Variants in XKR9 observed in about 807,000 individuals in gnomAD.
XKR9 encodes XK related 9, also known as XK-related protein 9.
A neutral mutation model predicts 32.0 loss-of-function variants in XKR9; 32 were observed. The observed-to-expected ratio is 1.00, with a 90% confidence interval of 0.76 to 1.34. XKR9 has a LOEUF of 1.34. Ranked by LOEUF, XKR9 falls within the 40% of genes most tolerant of loss-of-function variation. The pLI, the probability that XKR9 is intolerant of heterozygous loss-of-function variation, is 0.00. For missense variants in XKR9, 546 were observed against 429.7 expected (o/e 1.27, Z -2.39); for synonymous variants, 168 against 143.4 (o/e 1.17, Z -1.22).
At chr8:70,693,970 CA>C (rs201532015) in intron 3 of XKR9, among the ~76,000 whole-genome samples, 2,441 of 152,248 alleles carry the variant, frequency 0.016, 35 homozygotes, top group Non-Finnish European at 0.021. Flanking sequence ...GTAGCTCTGG[CA>C]GGGGGTGGTT....
the XKR9 span, among the ~76,000 whole-genome samples, chr8:70,988,263 C>A: frequency 2.7e-5 from 4 of 150,270 alleles, no homozygotes; most frequent in African/African-American, 2.5e-5. Flanking sequence ...TTGAGAAGAT[C>A]TCTGTTCTTT....
the XKR9 span, among the ~76,000 whole-genome samples, chr8:70,812,241 A>G: frequency 0.019 from 2,864 of 152,178 alleles, 81 homozygotes; most frequent in African/African-American, 0.066. Context: ...AAATTCAACA[A>G]CCCTTCATGG....
chr8:70,915,876 G>A, the XKR9 span, among the ~76,000 whole-genome samples: 1 of 152,164 alleles, frequency 6.6e-6, no homozygotes, highest in Admixed American at 6.6e-5. Context: ...TAAATAGCCA[G>A]GCTTTTCCGA....
At chr8:70,673,218 G>C (rs182343188) in intron 1 of XKR9, among the ~76,000 whole-genome samples, 286 of 152,220 alleles carry the variant, frequency 1.9e-3, no homozygotes, top group African/African-American at 6.7e-3. Context: ...TCCTTCTTGA[G>C]TTGGCTTTTG....
At chr8:70,903,185 C>A in the XKR9 span, among the ~76,000 whole-genome samples, 6 of 151,906 alleles carry the variant, frequency 3.9e-5, no homozygotes, top group East Asian at 3.9e-4. Flanking sequence ...CTCTCTTTTT[C>A]TACTGATTGG....
intron 2 of XKR9, among the ~76,000 whole-genome samples, chr8:70,751,406 GGT>G (rs1196776849): frequency 6.6e-6 from 1 of 152,138 alleles, no homozygotes; most frequent in African/African-American, 2.4e-5. Context: ...TGGGATTACA[GGT>G]GTGAGCCACC....
chr8:71,052,962 T>G, the XKR9 span, among the ~76,000 whole-genome samples: 2 of 152,224 alleles, frequency 1.3e-5, no homozygotes, highest in Non-Finnish European at 2.9e-5. Context: ...CCTCAGTTTT[T>G]CATCACAATT....
chr8:70,898,304 C>T, the XKR9 span, among the ~76,000 whole-genome samples: 7 of 152,120 alleles, frequency 4.6e-5, no homozygotes, highest in African/African-American at 1.7e-4. Flanking sequence ...CAGTACCATG[C>T]TGTTTTGGTT....
the XKR9 span, among the ~76,000 whole-genome samples, chr8:70,956,886 G>T: frequency 1.3e-5 from 2 of 152,160 alleles, no homozygotes; most frequent in Non-Finnish European, 2.9e-5. Context: ...GAGAGCTCAG[G>T]GATGCTAGGG....
chr8:70,834,620 T>C, the XKR9 span, among the ~76,000 whole-genome samples: 1 of 152,162 alleles, frequency 6.6e-6, no homozygotes, highest in Admixed American at 6.6e-5. Context: ...GTTTTTGGAT[T>C]GTAGTTTGGT....
the XKR9 span, among the ~76,000 whole-genome samples, chr8:70,893,285 T>C: frequency 1.3e-5 from 2 of 152,252 alleles, no homozygotes; most frequent in Non-Finnish European, 2.9e-5. Flanking sequence ...TTCTTATATT[T>C]CATTGAGTTT....
intron 2 of XKR9, among the ~76,000 whole-genome samples, chr8:70,782,993 C>G (rs1170193718): frequency 6.6e-6 from 1 of 152,050 alleles, no homozygotes; most frequent in East Asian, 1.9e-4. Flanking sequence ...TTTGAGAAAC[C>G]ATACAGTTTT....
chr8:70,956,257 A>G, the XKR9 span, among the ~76,000 whole-genome samples: 6 of 152,152 alleles, frequency 3.9e-5, no homozygotes, highest in African/African-American at 1.4e-4. Flanking sequence ...GCAACAGAAC[A>G]CGTCTTAGGA....
the XKR9 span, among the ~76,000 whole-genome samples, chr8:70,943,699 T>C: frequency 6.6e-6 from 1 of 152,216 alleles, no homozygotes; most frequent in South Asian, 2.1e-4. Context: ...AGCTTCATTG[T>C]TAAAATCCTG....
At chr8:70,867,459 T>G in the XKR9 span, among the ~76,000 whole-genome samples, 1 of 152,184 alleles carries the variant, frequency 6.6e-6, no homozygotes, top group African/African-American at 2.4e-5. Context: ...TTTCTTTTCC[T>G]TTTTCTCTTT....
chr8:71,027,382 TATATA>T, the XKR9 span, among the ~76,000 whole-genome samples: 141 of 147,950 alleles, frequency 9.5e-4, 1 homozygote, highest in Admixed American at 2.6e-3. Flanking sequence ...TTAGATAATA[TATATA>T]ATATATTTAA....
chr8:71,049,373 A>G, the XKR9 span, among the ~76,000 whole-genome samples: 4 of 152,240 alleles, frequency 2.6e-5, no homozygotes, highest in Admixed American at 2.0e-4. Context: ...TGCAACAAGT[A>G]GAAATCAAAA....
the XKR9 span, among the ~76,000 whole-genome samples, chr8:70,818,937 G>T: frequency 6.6e-6 from 1 of 152,188 alleles, no homozygotes; most frequent in Non-Finnish European, 1.5e-5. Flanking sequence ...AGCTGATGAA[G>T]AACAGACTTC....
At chr8:70,948,788 T>G in the XKR9 span, among the ~76,000 whole-genome samples, 3 of 152,228 alleles carry the variant, frequency 2.0e-5, no homozygotes, top group African/African-American at 7.2e-5. Context: ...AGCACATTTG[T>G]TCTCAGCCTT....
Sources: allele counts gnomAD v4.1 joint callset (sites outside exome capture counted in the v4.1 genomes callset), GRCh38; gene constraint gnomAD v4.1.1; transcripts MANE v1.5; gene names NCBI Gene and HGNC (gene_info 2026-07-23, HGNC 2026-07-21).